The following NAAA variants were observed in gnomAD, a reference collection of about 807,000 sequenced individuals.
The protein encoded by NAAA is N-acylethanolamine-hydrolyzing acid amidase.
A neutral mutation model predicts 44.8 loss-of-function variants in NAAA; 39 were observed. The observed-to-expected ratio is 0.87, with a 90% CI of 0.67 to 1.14. The LOEUF (loss-of-function observed/expected upper bound fraction) is 1.14, where lower values mean the gene tolerates loss of function less well. Among genes scored for constraint, NAAA ranks in the 50% most tolerant of loss-of-function variants. NAAA has a pLI of 0.00. For synonymous variants in NAAA, 178 were observed against 191.3 expected, an observed-to-expected ratio of 0.93 and a Z score of 0.58; for missense variants, 460 against 467.8, an observed-to-expected ratio of 0.98 and a Z score of 0.15.
At position 75,939,912 on chromosome 4, in the gene NAAA, A is replaced by G. The variant is rs1728079524; in HGVS notation, c.371+89T>C. On this transcript the variant is annotated intron_variant, in intron 2 of 10. Transcript: ENST00000286733. ...GGCAAGCAGGCACCGCCCTGTTTTT[A>G]TCACACGGAAAATATGTCTCCTCCC... The G allele has an allele frequency of 2.7e-6, 4 of 1,497,764 alleles. No homozygotes were observed. In the Admixed American group the frequency reaches 7.4e-5, roughly 28 times the overall value. The allele number at this position is 1,497,764 out of a possible 1,614,324, so 92.8% of individuals were successfully genotyped here. A position where few individuals can be genotyped will look rare whatever the true frequency, so the allele number is the denominator to read the frequency against.
rs950159430 is a variant in NAAA, at chr4:75,913,910, G to A, written c.*465C>T. The A allele has an allele frequency of 1.7e-5, 17 of 985,262 alleles. No individual in the cohort carries two copies. Among genetic ancestry groups the A allele is most frequent in the East Asian group, 2.3e-4 (2 of 8,830 alleles). 61.0% of individuals were successfully genotyped at this position (985,262 alleles called of 1,614,324 possible). Reference sequence around the variant, plus strand: ...ACACACATTCAAACAGGCTTGGTTCGAAATAGAGTTCTCCATTTCTTTCAG... The same window carrying A: ...ACACACATTCAAACAGGCTTGGTTCAAAATAGAGTTCTCCATTTCTTTCAG... On this transcript the variant is annotated 3_prime_UTR_variant, in exon 11 of 11. Coordinates refer to ENST00000286733, the MANE Select transcript of NAAA (RefSeq NM_014435.4).
intron 4 of NAAA, among the ~76,000 whole-genome samples, chr4:75,930,063 G>A (rs1315378772): frequency 6.6e-6 from 1 of 152,058 alleles, no homozygotes; most frequent in African/African-American, 2.4e-5. Context: ...ACTCTAGCCT[G>A]GGCAACAGGG....
At chr4:75,920,111 C>A in intron 7 of NAAA, 136 bp from the exon 8 acceptor site, 1 of 818,328 alleles carries the variant, frequency 1.2e-6, no homozygotes. Flanking sequence ...GGCCCCAAGC[C>A]TGTTTCCTGC....
In NAAA at chr4:75,940,891, A is replaced by T. The variant is rs1163581640; in HGVS notation, c.59T>A (p.Leu20Gln). The T allele has an allele frequency of 2.0e-6, 3 of 1,464,004 alleles. No individual in the cohort carries two copies. The highest frequency in any genetic ancestry group is 2.6e-5 in the South Asian group (2 of 76,070). The allele number at this position is 1,464,004 out of a possible 1,614,324, so 90.7% of individuals were successfully genotyped here. A position where few individuals can be genotyped will look rare whatever the true frequency, so the allele number is the denominator to read the frequency against. ...PGLPSLLLLL[L>Q]AGAGLSAASP... Reference sequence around the variant, plus strand: ...GGCGGCTGACAGCCCGGCCCCGGCCAGCAGCAGCAGCAGCAGGGACGGAAG... The same window carrying T: ...GGCGGCTGACAGCCCGGCCCCGGCCTGCAGCAGCAGCAGCAGGGACGGAAG... Residue 20 changes from leucine to glutamine, a missense_variant, in exon 1 of 11, where the codon CTG becomes CAG. Leu to Gln is a moderately radical substitution (Grantham distance 113). Coordinates refer to ENST00000286733, the MANE Select transcript of NAAA (RefSeq NM_014435.4).
downstream of NAAA, chr4:75,913,598 G>T: frequency 4.9e-6 from 4 of 822,544 alleles, no homozygotes; most frequent in Non-Finnish European, 5.9e-6. Flanking sequence ...GCTTTCTCAG[G>T]ACAGCAGTTC....
chr4:75,927,739 G>A (rs1462670782), intron 4 of NAAA, among the ~76,000 whole-genome samples: 1 of 144,278 alleles, frequency 6.9e-6, no homozygotes, highest in East Asian at 2.1e-4. Context: ...GTGCACACAT[G>A]ATCGTGCATT....
At chr4:75,937,061 G>T (rs1024865339) in intron 2 of NAAA, among the ~76,000 whole-genome samples, 1 of 152,066 alleles carries the variant, frequency 6.6e-6, no homozygotes, top group Non-Finnish European at 1.5e-5. Flanking sequence ...TTTCTACAAC[G>T]ATTACATGTT....
At chr4:75,926,979 G>A (rs940331087) in intron 4 of NAAA, among the ~76,000 whole-genome samples, 3 of 151,884 alleles carry the variant, frequency 2.0e-5, no homozygotes, top group African/African-American at 7.3e-5. Flanking sequence ...ACTCCAGCCT[G>A]AGTGACAGAG....
chr4:75,939,256 G>A (rs1728001079), intron 2 of NAAA, among the ~76,000 whole-genome samples: 2 of 152,082 alleles, frequency 1.3e-5, no homozygotes, highest in South Asian at 4.1e-4. Context: ...AGACACTTCA[G>A]CCACGACACA....
intron 5 of NAAA, among the ~76,000 whole-genome samples, chr4:75,923,517 C>T (rs973361985): frequency 1.3e-5 from 2 of 151,862 alleles, no homozygotes; most frequent in African/African-American, 4.8e-5. Flanking sequence ...ATGTTCAAAA[C>T]GGAGGCTCCA....
chr4:75,927,997 A>G (rs1726890178), intron 4 of NAAA, among the ~76,000 whole-genome samples: 1 of 152,226 alleles, frequency 6.6e-6, no homozygotes, highest in African/African-American at 2.4e-5. Flanking sequence ...TATCAATAAC[A>G]AAATTAATTT....
intron 2 of NAAA, 96 bp from the exon 3 acceptor site, chr4:75,936,331 A>G: frequency 7.1e-7 from 1 of 1,413,638 alleles, no homozygotes; most frequent in Middle Eastern, 1.8e-4. Flanking sequence ...CTCAAAGTAA[A>G]AGTTTTTCTT....
intron 9 of NAAA, among the ~76,000 whole-genome samples, chr4:75,916,271 T>G (rs1374826302): frequency 6.6e-6 from 1 of 152,236 alleles, no homozygotes; most frequent in Admixed American, 6.5e-5. Flanking sequence ...CTTATTTCTA[T>G]TAACCTAATA....
chr4:75,927,008 C>CA (rs546372870), intron 4 of NAAA, among the ~76,000 whole-genome samples: 52 of 142,872 alleles, frequency 3.6e-4, no homozygotes, highest in South Asian at 2.0e-3. Context: ...TGTCTCAAAA[C>CA]AAAAAAAAAA....
chr4:75,931,427 T>A, intron 3 of NAAA, 123 bp from the exon 4 acceptor site: 1 of 652,476 alleles, frequency 1.5e-6, no homozygotes, highest in Non-Finnish European at 2.6e-6. Flanking sequence ...AGAATAAAAC[T>A]CTGAAATAGT....
intron 5 of NAAA, among the ~76,000 whole-genome samples, chr4:75,923,970 G>A (rs1034612535): frequency 1.3e-5 from 2 of 152,152 alleles, no homozygotes; most frequent in Non-Finnish European, 2.9e-5. Flanking sequence ...TATGCAAATG[G>A]TACACCTGGT....
chr4:75,919,507 G>A (rs1258554077), intron 8 of NAAA: 1 of 228,004 alleles, frequency 4.4e-6, no homozygotes, highest in Non-Finnish European at 8.4e-6. Flanking sequence ...TTTTGAGACG[G>A]AGTCTCGCTC....
Position 75,914,005 on chromosome 4 carries a change from T to G in NAAA, c.*370A>C. The G allele has an allele frequency of 1.0e-6, 1 of 985,406 alleles. No individual in the cohort carries two copies. Among genetic ancestry groups the G allele is most frequent in the Non-Finnish European group, 1.2e-6 (1 of 829,946 alleles). 61.0% of individuals were successfully genotyped at this position (985,406 alleles called of 1,614,324 possible). ...ACAGAGGTCTTGCCAGCTCATTTCA[T>G]TAGCGGAGAAGCAAAGGTATGATGG... On this transcript the variant is annotated 3_prime_UTR_variant, in exon 11 of 11. Transcript: ENST00000286733.
intron 9 of NAAA, chr4:75,917,730 G>A: frequency 2.6e-6 from 1 of 384,548 alleles, no homozygotes; most frequent in Non-Finnish European, 5.1e-6. Flanking sequence ...CCTCCCAAAG[G>A]GCTGGGATTA....
Sources: allele counts gnomAD v4.1 joint callset (sites outside exome capture counted in the v4.1 genomes callset), GRCh38; gene constraint gnomAD v4.1.1; transcripts MANE v1.5; gene names NCBI Gene and HGNC (gene_info 2026-07-23, HGNC 2026-07-21).